The following TRIM55 variants were observed in gnomAD, a reference collection of about 807,000 sequenced individuals.
The protein encoded by TRIM55 is tripartite motif-containing protein 55.
TRIM55 carries 50 observed loss-of-function variants against 60.9 expected under a neutral mutation model. The observed-to-expected ratio is 0.82, with a 90% CI of 0.65 to 1.04. The LOEUF (loss-of-function observed/expected upper bound fraction) is 1.04. Ranked by LOEUF, TRIM55 falls within the 50% of genes least tolerant of loss-of-function variation. TRIM55 has a pLI of 0.00. For synonymous variants in TRIM55, 237 were observed against 238.1 expected, an observed-to-expected ratio of 1.00 and a Z score of 0.04; for missense variants, 681 against 666.9, an observed-to-expected ratio of 1.02 and a Z score of -0.23.
At chr8:66,152,183 C>T (rs1470982081) in intron 7 of TRIM55, 194 bp from the exon 8 acceptor site, 4 of 681,066 alleles carry the variant, frequency 5.9e-6, no homozygotes, top group African/African-American at 1.8e-5. Context: ...GGGATGGTTC[C>T]TTCACATTTG....
chr8:66,175,136 G>A lies in TRIM55; in HGVS notation c.*543G>A, dbSNP rs1811850987. 6.6e-6 allele frequency: 1 copy of A among 152,630 alleles called. No individual in the cohort carries two copies. Among genetic ancestry groups the A allele is most frequent in the Non-Finnish European group, 1.5e-5 (1 of 68,040 alleles). The allele number at this position is 152,630 out of a possible 1,614,324, so 9.5% of individuals were successfully genotyped here. A position where few individuals can be genotyped will look rare whatever the true frequency, so the allele number is the denominator to read the frequency against. On this transcript the variant is annotated 3_prime_UTR_variant, in exon 10 of 10. Coordinates refer to ENST00000315962, the MANE Select transcript of TRIM55 (RefSeq NM_184085.2). ...TTTTGCATAACAGATGTCACTGGAT[G>A]TACATTCAGAAATGTTCTTTGAATT...
At chr8:66,155,518 G>A in intron 9 of TRIM55, 1 of 761,980 alleles carries the variant, frequency 1.3e-6, no homozygotes. Flanking sequence ...ACCCCATGAA[G>A]AGCACGTAGT....
intron 4 of TRIM55, among the ~76,000 whole-genome samples, chr8:66,142,637 C>G (rs1809883846): frequency 6.6e-6 from 1 of 152,232 alleles, no homozygotes; most frequent in Non-Finnish European, 1.5e-5. Flanking sequence ...TTAGAAATCC[C>G]TCAAATTACC....
chr8:66,144,696 G>A (rs745823891), intron 4 of TRIM55, among the ~76,000 whole-genome samples: 2 of 152,192 alleles, frequency 1.3e-5, no homozygotes, highest in Admixed American at 6.5e-5. Context: ...GAGGGGAGGT[G>A]TATGGCTCCG....
intron 9 of TRIM55, among the ~76,000 whole-genome samples, chr8:66,160,797 G>C (rs187872277): frequency 6.6e-6 from 1 of 151,256 alleles, no homozygotes; most frequent in Non-Finnish European, 1.5e-5. Context: ...CTGTACGCTT[G>C]TTGGCCATTT....
intron 2 of TRIM55, among the ~76,000 whole-genome samples, chr8:66,129,821 G>A (rs1374783491): frequency 6.6e-6 from 1 of 152,280 alleles, no homozygotes; most frequent in East Asian, 1.9e-4. Context: ...CAATTACTTT[G>A]CCACCAACCT....
intron 2 of TRIM55, among the ~76,000 whole-genome samples, chr8:66,134,287 G>C (rs1259076144): frequency 6.6e-6 from 1 of 152,208 alleles, no homozygotes; most frequent in Non-Finnish European, 1.5e-5. Context: ...AGCAGCCTCA[G>C]TCATTAGATA....
intron 2 of TRIM55, among the ~76,000 whole-genome samples, chr8:66,131,818 G>A (rs1563634557): frequency 6.6e-6 from 1 of 152,146 alleles, no homozygotes; most frequent in East Asian, 1.9e-4. Flanking sequence ...TGCAACTCAA[G>A]TAGGTCATGT....
At chr8:66,149,315 C>A (rs780722480) in intron 4 of TRIM55, among the ~76,000 whole-genome samples, 2 of 152,132 alleles carry the variant, frequency 1.3e-5, no homozygotes, top group Non-Finnish European at 2.9e-5. Flanking sequence ...AAAATATAAC[C>A]TATAACCTAT....
At chr8:66,167,059 G>A (rs1811366484) in intron 9 of TRIM55, among the ~76,000 whole-genome samples, 1 of 152,164 alleles carries the variant, frequency 6.6e-6, no homozygotes, top group Non-Finnish European at 1.5e-5. Flanking sequence ...CAACCAACCT[G>A]CCTCTCTGTC....
intron 9 of TRIM55, among the ~76,000 whole-genome samples, chr8:66,166,598 C>T (rs1811342032): frequency 6.6e-6 from 1 of 152,166 alleles, no homozygotes; most frequent in South Asian, 2.1e-4. Context: ...CAAATGTGTG[C>T]CCATTGCTTT....
chr8:66,137,837 T>C (rs556567595), intron 4 of TRIM55, among the ~76,000 whole-genome samples: 107 of 151,836 alleles, frequency 7.0e-4, no homozygotes, highest in Non-Finnish European at 1.1e-3. Flanking sequence ...GCTTGCCGTA[T>C]AATAAATAGA....
At position 66,135,092 on chromosome 8, in the gene TRIM55, GGT is replaced by G; in HGVS notation, c.447_448del (p.Phe150TrpfsTer21). The stretch of plus-strand genomic sequence containing the variant: ...AAGTACCCACCTGCTCTCTGTGCAA[GGT>G]GTTTGGTGCACACAAAGACTGCCAG... ...CEVPTCSLCK[V>X]FGAHKDCQVA... On this transcript the variant is annotated frameshift_variant, in exon 3 of 10. Transcript: ENST00000315962. LOFTEE classifies it high-confidence loss of function. 1.2e-6 allele frequency: 2 copies of G among 1,614,194 alleles called. No homozygotes were observed. The highest frequency in any genetic ancestry group is 1.7e-6 in the Non-Finnish European group (2 of 1,180,020).
the TRIM55 span, among the ~76,000 whole-genome samples, chr8:66,120,328 C>G: frequency 6.6e-6 from 1 of 152,100 alleles, no homozygotes; most frequent in Admixed American, 6.6e-5. Flanking sequence ...CCTCTAAATC[C>G]TTAGAATTTC....
Position 66,149,748 on chromosome 8 carries a change from C to T in TRIM55, c.707C>T (p.Thr236Ile), listed in dbSNP as rs141681645. 3.7e-4 allele frequency: 601 copies of T among 1,614,124 alleles called. No individual in the cohort carries two copies. The highest frequency in any genetic ancestry group is 4.7e-4 in the Non-Finnish European group (559 of 1,180,000). ...GAAATGACCCAAGTCATTACCCGAA[C>T]CCAAGAGGAGAAACTGGAACATGTC... is the stretch of plus-strand genomic sequence containing the variant. ...KNEMTQVITR[T>I]QEEKLEHVRA... The change falls in exon 5 of 10, where the codon ACC becomes ATC. Residue 236 changes from threonine to isoleucine, a missense_variant. Coordinates refer to ENST00000315962, the MANE Select transcript of TRIM55 (RefSeq NM_184085.2).
intron 9 of TRIM55, among the ~76,000 whole-genome samples, chr8:66,156,814 G>A (rs765788052): frequency 6.6e-6 from 1 of 152,184 alleles, no homozygotes; most frequent in Non-Finnish European, 1.5e-5. Context: ...GGAACTGTGT[G>A]TGAGCAGGAC....
the TRIM55 span, among the ~76,000 whole-genome samples, chr8:66,117,151 T>G: frequency 7.2e-5 from 11 of 152,228 alleles, no homozygotes; most frequent in African/African-American, 2.7e-4. Flanking sequence ...TTATTCAACC[T>G]GATGAAGGAC....
intron 4 of TRIM55, among the ~76,000 whole-genome samples, chr8:66,146,756 A>T (rs1462974782): frequency 6.6e-6 from 1 of 152,200 alleles, no homozygotes; most frequent in East Asian, 1.9e-4. Context: ...AGCTACTAAT[A>T]GGTTTCAGTT....
chr8:66,139,316 C>G (rs1302235987), intron 4 of TRIM55, among the ~76,000 whole-genome samples: 4 of 152,098 alleles, frequency 2.6e-5, no homozygotes, highest in Non-Finnish European at 4.4e-5. Context: ...GATGGAGAAG[C>G]TGGAGAATGC....
Sources: gnomAD v4.1 joint callset for allele counts (sites outside exome capture counted in the v4.1 genomes callset) on GRCh38, gnomAD v4.1.1 for gene constraint, MANE v1.5 for transcripts, NCBI Gene and HGNC (gene_info 2026-07-23, HGNC 2026-07-21) for gene names.